The following AMPH variants were observed in gnomAD, a reference collection of about 807,000 sequenced individuals.
AMPH encodes amphiphysin (Stiff-Mann syndrome with breast cancer 128kD autoantigen).
A neutral mutation model predicts 99.1 loss-of-function variants in AMPH; 49 were observed. The ratio of observed to expected loss-of-function variants is 0.49; its 90% CI spans 0.39 to 0.63. The LOEUF (loss-of-function observed/expected upper bound fraction) is 0.63, where lower values mean the gene tolerates loss of function less well. Ranked by LOEUF, AMPH falls within the 20% of genes least tolerant of loss-of-function variation. The probability of loss-of-function intolerance (pLI) is 0.00; values close to 1 mark genes in which losing one functional copy is unlikely to be tolerated. For missense variants in AMPH, 759 were observed against 863.4 expected, an observed-to-expected ratio of 0.88 and a Z score of 1.52; for synonymous variants, 314 against 317.3, an observed-to-expected ratio of 0.99 and a Z score of 0.11.
At chr7:38,408,662 G>C (rs1170085955) in intron 17 of AMPH, among the ~76,000 whole-genome samples, 4 of 151,164 alleles carry the variant, frequency 2.6e-5, no homozygotes, top group Non-Finnish European at 5.9e-5. Flanking sequence ...TGAGGCAGGG[G>C]AATGGTGTGA....
chr7:38,446,584 A>G (rs1303885725), intron 11 of AMPH, among the ~76,000 whole-genome samples: 1 of 152,278 alleles, frequency 6.6e-6, no homozygotes, highest in Non-Finnish European at 1.5e-5. Context: ...GTATAGCAAC[A>G]GAAAGATGAG....
chr7:38,564,756 C>T (rs1198909087), intron 1 of AMPH, among the ~76,000 whole-genome samples: 1 of 152,152 alleles, frequency 6.6e-6, no homozygotes, highest in African/African-American at 2.4e-5. Flanking sequence ...TTAAGAATGG[C>T]TATTTGTAGG....
chr7:38,486,845 G>T (rs1788516649), intron 5 of AMPH, among the ~76,000 whole-genome samples: 1 of 152,066 alleles, frequency 6.6e-6, no homozygotes, highest in East Asian at 1.9e-4. Context: ...CCTTTCAGTA[G>T]ATGTAGAAAA....
chr7:38,460,631 T>C (rs771577520), intron 11 of AMPH, among the ~76,000 whole-genome samples: 2 of 152,128 alleles, frequency 1.3e-5, no homozygotes, highest in Admixed American at 6.6e-5. Context: ...ATTAATAATA[T>C]ATGGGAGCTT....
chr7:38,428,806 C>G, intron 14 of AMPH: 3 of 464,966 alleles, frequency 6.5e-6, no homozygotes, highest in Non-Finnish European at 1.3e-5. Flanking sequence ...TTTGCCATAT[C>G]TCCTCCTTCC....
intron 1 of AMPH, among the ~76,000 whole-genome samples, chr7:38,566,561 C>G (rs1791751995): frequency 6.6e-6 from 1 of 152,112 alleles, no homozygotes; most frequent in African/African-American, 2.4e-5. Flanking sequence ...TCTAATTAAA[C>G]TAAAGAGCTT....
rs997877305 is a variant in AMPH, at chr7:38,525,675, G to A, written c.150+9256C>T. Among the ~76,000 whole-genome samples, 6 of 152,074 alleles carry A rather than the reference G, an allele frequency of 3.9e-5. No individual in the cohort carries two copies. The East Asian group carries it at 1.2e-3, about 29-fold the overall frequency. Reference sequence around the variant, plus strand: ...TCTGAAATTCTGTCATGCCGAAAGAGTCACATAAGTGGAATCCCACAGTAT... The same window carrying A: ...TCTGAAATTCTGTCATGCCGAAAGAATCACATAAGTGGAATCCCACAGTAT... On this transcript the variant is annotated intron_variant, in intron 2 of 20. Transcript: ENST00000356264.
At chr7:38,396,346 G>A (rs1435644256) in intron 17 of AMPH, among the ~76,000 whole-genome samples, 1 of 152,200 alleles carries the variant, frequency 6.6e-6, no homozygotes, top group Non-Finnish European at 1.5e-5. Context: ...CCCTGCACAA[G>A]CTCTGTTTTT....
chr7:38,466,365 A>G (rs956334590), intron 7 of AMPH, 117 bp from the exon 8 acceptor site: 83 of 776,730 alleles, frequency 1.1e-4, no homozygotes, highest in Non-Finnish European at 1.6e-4. Flanking sequence ...CATTTTGAAT[A>G]ACTTTGGACT....
intron 4 of AMPH, among the ~76,000 whole-genome samples, chr7:38,493,445 T>C (rs1013621356): frequency 2.0e-5 from 3 of 152,160 alleles, no homozygotes; most frequent in Admixed American, 6.6e-5. Context: ...AGTGTCTTAT[T>C]AGTAGATACA....
chr7:38,562,986 A>G (rs951471437), intron 1 of AMPH, among the ~76,000 whole-genome samples: 19 of 152,246 alleles, frequency 1.2e-4, no homozygotes, highest in Admixed American at 2.6e-4. Flanking sequence ...CCTTGAAGTC[A>G]ACTACATTTG....
intron 7 of AMPH, among the ~76,000 whole-genome samples, chr7:38,473,248 T>C (rs975487157): frequency 6.6e-6 from 1 of 152,264 alleles, no homozygotes; most frequent in East Asian, 1.9e-4. Context: ...AAATAAAAAG[T>C]ATAACTGTCT....
chr7:38,465,549 G>T lies in AMPH; in HGVS notation c.667C>A (p.Leu223Ile). Residue 223 changes from leucine (L) to isoleucine (I), a missense_variant and splice_region_variant, in exon 9 of 21, where the codon CTT becomes ATT. By Grantham distance (5) the Leu-to-Ile change is conservative (BLOSUM62 2). Around this residue, in one of 2 missense-constraint regions of AMPH, gnomAD observed 205 missense variants for 287.9 expected, o/e 0.71. Transcript: ENST00000356264. ...EAKFHKEIAV[L>I]CHKLYEVMTK... Reference sequence around the variant, plus strand: ...ATCACTTCATACAGTTTGTGGCAAAGCTAAGGGGACAGAGGCCACTTGTCT... The same window carrying T: ...ATCACTTCATACAGTTTGTGGCAAATCTAAGGGGACAGAGGCCACTTGTCT... The T allele has an allele frequency of 3.8e-6, 6 of 1,577,260 alleles. No individual in the cohort carries two copies. The highest frequency in any genetic ancestry group is 5.2e-6 in the Non-Finnish European group (6 of 1,159,486).
chr7:38,579,578 T>C (rs61055292), intron 1 of AMPH, among the ~76,000 whole-genome samples: 42,783 of 152,130 alleles, frequency 0.28, 6,416 homozygotes, highest in Non-Finnish European at 0.34. Flanking sequence ...AGGTATCGGT[T>C]GGCATGAAGT....
chr7:38,432,587 T>TACAC (rs10556315), intron 12 of AMPH, among the ~76,000 whole-genome samples: 18,571 of 148,030 alleles, frequency 0.13, 1,136 homozygotes, highest in South Asian at 0.18. Flanking sequence ...GTTATTTTAA[T>TACAC]ACACACACAC....
Position 38,465,493 on chromosome 7 carries a change from C to A in AMPH, c.723G>T (p.Lys241Asn). The A allele has an allele frequency of 6.3e-7, 1 of 1,583,370 alleles. No homozygotes were observed. The highest frequency in any genetic ancestry group is 1.2e-5 in the South Asian group (1 of 86,588). Residue 241 changes from lysine (K) to asparagine (N), a missense_variant, in exon 9 of 21, where the codon AAG (lysine) becomes AAT (asparagine). Lys to Asn is a moderately conservative substitution (Grantham distance 94, BLOSUM62 0). Transcript: ENST00000356264. ...TGGGCGCTCCTTGGATGGTGAAGGC[C>A]TTGTCGGCGTGCTGGTCACCCAGTT... Reference protein sequence around the residue: ...MTKLGDQHADKAFTIQGAPSD... With the variant: ...MTKLGDQHADNAFTIQGAPSD...
chr7:38,556,910 C>T (rs73364829), intron 1 of AMPH, among the ~76,000 whole-genome samples: 4,851 of 152,084 alleles, frequency 0.032, 260 homozygotes, highest in African/African-American at 0.11. Context: ...AGTATCTGGG[C>T]GTACATATGC....
In AMPH at chr7:38,463,989, GACATGCC is replaced by G. The variant is rs934123090; in HGVS notation, c.750-883_750-877del. Reference sequence around the variant, plus strand: ...AACTGGGTCCTTTAGCGAGAACACAGACATGCCACATGATTGGGGTCATATGCCAGCA... The same window carrying G: ...AACTGGGTCCTTTAGCGAGAACACAGACATGATTGGGGTCATATGCCAGCA... On this transcript the variant is annotated intron_variant, in intron 9 of 20. Transcript: ENST00000356264. The G allele has an allele frequency of 9.4e-6, 11 of 1,166,406 alleles. No individual in the cohort carries two copies. The African/African-American group carries it at 1.7e-4, about 18-fold the overall frequency. 72.3% of individuals were successfully genotyped at this position (1,166,406 alleles called of 1,614,324 possible).
intron 17 of AMPH, among the ~76,000 whole-genome samples, chr7:38,403,538 G>T (rs1235493748): frequency 6.6e-6 from 1 of 152,230 alleles, no homozygotes; most frequent in Non-Finnish European, 1.5e-5. Flanking sequence ...CTGCCTGTCT[G>T]TGTCACCAGA....
Sources: gnomAD v4.1 joint callset for allele counts (sites outside exome capture counted in the v4.1 genomes callset) on GRCh38, gnomAD v4.1.1 for gene constraint, gnomAD v4.1.1 regional missense constraint, MANE v1.5 for transcripts, NCBI Gene and HGNC (gene_info 2026-07-23, HGNC 2026-07-21) for gene names.